The following MXD4 variants were observed in gnomAD, a reference collection of about 807,000 sequenced individuals.
MXD4 encodes the protein Mad4 homolog.
MXD4 carries 16 observed loss-of-function variants against 24.5 expected under a neutral mutation model. That is an observed-to-expected ratio of 0.65 (90% CI 0.44 to 0.99). The LOEUF is 0.99. Among genes scored for constraint, MXD4 ranks in the 50% least tolerant of loss-of-function variants. MXD4 has a pLI of 0.00. For synonymous variants in MXD4, 164 were observed against 134.2 expected (o/e 1.22, Z -1.54); for missense variants, 301 against 301.5 (o/e 1.00, Z 0.01).
chr4:2,255,537 C>A (rs1735408295), intron 3 of MXD4, among the ~76,000 whole-genome samples: 1 of 152,114 alleles, frequency 6.6e-6, no homozygotes, highest in Non-Finnish European at 1.5e-5. Context: ...CAGGAAGATC[C>A]CCACCCACCC....
At chr4:2,251,610 C>T (rs1414938554) in intron 4 of MXD4, among the ~76,000 whole-genome samples, 2 of 152,234 alleles carry the variant, frequency 1.3e-5, no homozygotes, top group African/African-American at 2.4e-5. Flanking sequence ...CTGCTTACAG[C>T]GGGTCTCCTC....
At chr4:2,255,110 G>C (rs1010306860) in intron 3 of MXD4, 5 of 365,414 alleles carry the variant, frequency 1.4e-5, no homozygotes, top group Non-Finnish European at 2.7e-5. Flanking sequence ...CATCAGGGAT[G>C]AGAAGGTGGA....
chr4:2,259,638 G>A (rs1447322258), intron 2 of MXD4, among the ~76,000 whole-genome samples: 2 of 152,080 alleles, frequency 1.3e-5, no homozygotes, highest in African/African-American at 2.4e-5. Context: ...CCACCCTGGA[G>A]GCAGGGGGCC....
At chr4:2,255,900 G>A (rs535353476) in intron 3 of MXD4, among the ~76,000 whole-genome samples, 22 of 152,246 alleles carry the variant, frequency 1.4e-4, no homozygotes, top group Non-Finnish European at 2.6e-4. Context: ...TGCCGCTGCC[G>A]GGGAGCTGGG....
At chr4:2,252,292 A>C (rs906249753) in intron 4 of MXD4, 116 bp downstream of exon 4, 55 of 825,222 alleles carry the variant, frequency 6.7e-5, no homozygotes, top group Admixed American at 2.1e-4. Context: ...CTCCCCACCC[A>C]TCTTCAGGCC....
chr4:2,250,302 G>T lies in MXD4; in HGVS notation c.*242C>A. ...GACCGTGGGCGGCTATGCTGACCAGGGCTCCGGATGTGGAAGCTGGGCCCT... is the reference window on the plus strand; with the variant it reads ...GACCGTGGGCGGCTATGCTGACCAGTGCTCCGGATGTGGAAGCTGGGCCCT... On this transcript the variant is annotated 3_prime_UTR_variant, in exon 6 of 6. Transcript: ENST00000337190. The T allele has an allele frequency of 1.7e-6, 1 of 581,842 alleles. No homozygotes were observed. The highest frequency in any genetic ancestry group is 3.0e-6 in the Non-Finnish European group (1 of 329,210). The allele number at this position is 581,842 out of a possible 1,614,324, so 36.0% of individuals were successfully genotyped here.
At position 2,247,950 on chromosome 4, in the gene MXD4, C is replaced by T; in HGVS notation, c.*2594G>A. 1 of 152,530 alleles carries T rather than the reference C, an allele frequency of 6.6e-6. No homozygotes were observed. The highest frequency in any genetic ancestry group is 1.5e-5 in the Non-Finnish European group (1 of 68,180). The allele number at this position is 152,530 out of a possible 1,614,324, so 9.4% of individuals were successfully genotyped here. ...GCTGCCTTCCAATAAGGCTGGGGAA[C>T]CCAAGCCTGAGTCTGGGTGCTCAGT... On this transcript the variant is annotated 3_prime_UTR_variant, in exon 6 of 6. Transcript: ENST00000337190.
chr4:2,253,246 T>C (rs1228737293), intron 3 of MXD4: 1 of 152,232 alleles, frequency 6.6e-6, no homozygotes, highest in Non-Finnish European at 1.5e-5. Flanking sequence ...CCTGCCCCTG[T>C]GGAAACACCG....
At chr4:2,259,091 G>A (rs1218834030) in intron 2 of MXD4, 4 of 400,956 alleles carry the variant, frequency 1.0e-5, no homozygotes, top group Non-Finnish European at 2.1e-5. Context: ...AGACTGCCTC[G>A]GGGCACCTCC....
At chr4:2,258,400 G>A (rs531227200) in intron 2 of MXD4, among the ~76,000 whole-genome samples, 1 of 152,094 alleles carries the variant, frequency 6.6e-6, no homozygotes, top group African/African-American at 2.4e-5. Context: ...GGCCCGTGGT[G>A]AATCTGGCTG....
In MXD4 at chr4:2,249,269, C is replaced by CT. The variant is rs1424613112; in HGVS notation, c.*1274dup. 1 of 152,722 alleles carries CT rather than the reference C, an allele frequency of 6.5e-6. No individual in the cohort carries two copies. 9.5% of individuals were successfully genotyped at this position (152,722 alleles called of 1,614,324 possible). ...GGCCTGACACAAGACACAAGGCACA[C>CT]TTTGACGACGTGACGGAGGGACAGG... is the stretch of plus-strand genomic sequence containing the variant. On this transcript the variant is annotated 3_prime_UTR_variant, in exon 6 of 6. Transcript: ENST00000337190.
At position 2,249,040 on chromosome 4, in the gene MXD4, A is replaced by G; in HGVS notation, c.*1504T>C. On this transcript the variant is annotated 3_prime_UTR_variant, in exon 6 of 6. Coordinates refer to ENST00000337190, the MANE Select transcript of MXD4 (RefSeq NM_006454.3). ...TGAGAATCCATCTCTCTAGTGAGCA[A>G]GCAGGCCCCTGCCAGCCACTGGGGA... 1 of 152,314 alleles carries G rather than the reference A, an allele frequency of 6.6e-6. No individual in the cohort carries two copies. The highest frequency in any genetic ancestry group is 2.4e-5 in the African/African-American group (1 of 41,476). The allele number at this position is 152,314 out of a possible 1,614,324, so 9.4% of individuals were successfully genotyped here. A position where few individuals can be genotyped will look rare whatever the true frequency, so the allele number is the denominator to read the frequency against.
chr4:2,259,812 C>T (rs1735502131), intron 2 of MXD4, among the ~76,000 whole-genome samples: 1 of 152,192 alleles, frequency 6.6e-6, no homozygotes, highest in Non-Finnish European at 1.5e-5. Flanking sequence ...TCCCAGCATT[C>T]CCGTGACCCC....
intron 3 of MXD4, among the ~76,000 whole-genome samples, chr4:2,257,319 C>T (rs1735451133): frequency 1.3e-5 from 2 of 152,190 alleles, no homozygotes; most frequent in Non-Finnish European, 2.9e-5. Flanking sequence ...GACCAGCATC[C>T]CTCAGGGGAC....
At position 2,250,516 on chromosome 4, in the gene MXD4, G is replaced by GGCAGGCCAAGGAGCAGAGGGC. The variant is rs762684976; in HGVS notation, c.*7_*27dup. ...GGCTGACACGCGTGGCTGGCGGGCA[G>GGCAGGCCAAGGAGCAGAGGGC]GCAGGCCAAGGAGCAGAGGGCACGG... is the stretch of plus-strand genomic sequence containing the variant. On this transcript the variant is annotated 3_prime_UTR_variant, in exon 6 of 6. Transcript: ENST00000337190. The GGCAGGCCAAGGAGCAGAGGGC allele has an allele frequency of 5.2e-6, 8 of 1,528,914 alleles. No individual in the cohort carries two copies. In the African/African-American group the frequency reaches 9.7e-5, roughly 18 times the overall value. The allele number at this position is 1,528,914 out of a possible 1,614,324, so 94.7% of individuals were successfully genotyped here.
Position 2,250,379 on chromosome 4 carries a change from GC to G in MXD4, c.*164del. The G allele has an allele frequency of 1.0e-6, 1 of 961,254 alleles. No individual in the cohort carries two copies. The highest frequency in any genetic ancestry group is 1.5e-6 in the Non-Finnish European group (1 of 670,064). 59.5% of individuals were successfully genotyped at this position (961,254 alleles called of 1,614,324 possible). A position where few individuals can be genotyped will look rare whatever the true frequency, so the allele number is the denominator to read the frequency against. ...CTGGAAGGGGCAGGCAGCTCGGCAG[GC>G]CCTGACCGGCAAGCGGGCAGTGCCA... On this transcript the variant is annotated 3_prime_UTR_variant, in exon 6 of 6. Transcript: ENST00000337190.
At chr4:2,258,464 A>G (rs1373459577) in intron 2 of MXD4, among the ~76,000 whole-genome samples, 1 of 152,106 alleles carries the variant, frequency 6.6e-6, no homozygotes, top group East Asian at 1.9e-4. Flanking sequence ...AGGGAGCAGC[A>G]ACAGGTCCTG....
intron 3 of MXD4, chr4:2,252,788 T>G: frequency 2.7e-6 from 1 of 370,272 alleles, no homozygotes; most frequent in Non-Finnish European, 5.0e-6. Flanking sequence ...AGGCATTTCC[T>G]AGGAGCCCCA....
chr4:2,260,651 G>A, intron 2 of MXD4: 1 of 448,098 alleles, frequency 2.2e-6, no homozygotes, highest in African/African-American at 2.0e-5. Context: ...TGGGACTCAG[G>A]GACGGGTCCC....
Sources: gnomAD v4.1 joint callset for allele counts (sites outside exome capture counted in the v4.1 genomes callset) on GRCh38, gnomAD v4.1.1 for gene constraint, MANE v1.5 for transcripts, NCBI Gene and HGNC (gene_info 2026-07-23, HGNC 2026-07-21) for gene names.